Variants in MECOM observed in about 807,000 individuals in gnomAD.
MECOM encodes the protein MDS1 and EVI1 complex locus.
In MECOM, 13 loss-of-function variants were observed where a neutral mutation model predicts 116.3. The observed-to-expected ratio is 0.11, with a 90% CI of 0.07 to 0.18. MECOM has a LOEUF of 0.18. Ranked by LOEUF, MECOM falls within the 10% of genes least tolerant of loss-of-function variation. The pLI is 1.00. For synonymous variants in MECOM, 528 were observed against 535.2 expected (o/e 0.99, Z 0.19); for missense variants, 1,299 against 1,509.0 (o/e 0.86, Z 2.31).
Position 169,273,687 on chromosome 3 carries a change from C to T in MECOM, c.375+107500G>A, listed in dbSNP as rs76089538. Among the ~76,000 whole-genome samples the T allele has an allele frequency of 5.4e-3, 823 of 152,154 alleles. 10 individuals are homozygous for T. Among genetic ancestry groups the T allele is most frequent in the African/African-American group, 0.018 (768 of 41,514 alleles). On this transcript the variant is annotated intron_variant, in intron 2 of 16. Coordinates refer to ENST00000651503, the MANE Select transcript of MECOM (RefSeq NM_004991.4). ...CAGCGAGTAATCTGCATGTTTACTGCGTCAACATTCTACCCACTTCTGGGT... is the reference window on the plus strand; with the variant it reads ...CAGCGAGTAATCTGCATGTTTACTGTGTCAACATTCTACCCACTTCTGGGT...
intron 2 of MECOM, among the ~76,000 whole-genome samples, chr3:169,234,140 T>C (rs1753743433): frequency 6.6e-6 from 1 of 152,110 alleles, no homozygotes; most frequent in African/African-American, 2.4e-5. Flanking sequence ...ACAGATTTTT[T>C]GGAGTGGACA....
chr3:169,611,635 C>T lies in MECOM; in HGVS notation c.37+51701G>A, dbSNP rs949585147. Among the ~76,000 whole-genome samples the T allele has an allele frequency of 6.6e-6, 1 of 152,190 alleles. No homozygotes were observed. Among genetic ancestry groups the T allele is most frequent in the African/African-American group, 2.4e-5 (1 of 41,448 alleles). The stretch of plus-strand genomic sequence containing the variant: ...GACTTAAAGAGCGTTCCTATAACAG[C>T]TAATAATCTCTGGACCTCAAAATCA... On this transcript the variant is annotated intron_variant, in intron 1 of 16. Coordinates refer to ENST00000651503, the MANE Select transcript of MECOM (RefSeq NM_004991.4). This position sits in a 1 kb window ranked among gnomAD's most constrained non-coding sequence, Gnocchi z 4.1.
At chr3:169,477,331 C>T (rs984022808) in intron 1 of MECOM, among the ~76,000 whole-genome samples, 1 of 151,448 alleles carries the variant, frequency 6.6e-6, no homozygotes, top group African/African-American at 2.4e-5. Context: ...TATCTTTGCG[C>T]CCCGTCATTC....
chr3:169,320,892 A>C (rs1720730038), intron 2 of MECOM, among the ~76,000 whole-genome samples: 1 of 152,184 alleles, frequency 6.6e-6, no homozygotes, highest in African/African-American at 2.4e-5. Flanking sequence ...GTGAGCATAT[A>C]TTACTTTCTA....
intron 1 of MECOM, among the ~76,000 whole-genome samples, chr3:169,476,449 C>T (rs745309707): frequency 3.9e-5 from 6 of 152,114 alleles, no homozygotes; most frequent in Non-Finnish European, 7.4e-5. Context: ...TCATCAATAA[C>T]GCTTTGATAG....
At chr3:169,217,413 A>G (rs1369722111) in intron 2 of MECOM, among the ~76,000 whole-genome samples, 1 of 152,232 alleles carries the variant, frequency 6.6e-6, no homozygotes, top group Admixed American at 6.5e-5. Flanking sequence ...AAGATTTTTA[A>G]AAAGCAAAAT....
intron 2 of MECOM, among the ~76,000 whole-genome samples, chr3:169,360,342 A>G (rs1394487586): frequency 2.0e-5 from 3 of 149,734 alleles, no homozygotes; most frequent in Non-Finnish European, 3.0e-5. Context: ...GAAAAAAAAA[A>G]AGAAAAAAGC....
chr3:169,370,214 G>A (rs572954886), intron 2 of MECOM, among the ~76,000 whole-genome samples: 1 of 151,960 alleles, frequency 6.6e-6, no homozygotes, highest in Admixed American at 6.6e-5. Flanking sequence ...GAGAAACAAA[G>A]CCACACATAT....
At chr3:169,417,195 C>T (rs1354871540) in intron 1 of MECOM, among the ~76,000 whole-genome samples, 6 of 150,928 alleles carry the variant, frequency 4.0e-5, no homozygotes, top group Non-Finnish European at 5.9e-5. Flanking sequence ...AGAAAATTTT[C>T]ACAACCTACT....
intron 2 of MECOM, among the ~76,000 whole-genome samples, chr3:169,226,212 T>C (rs926433893): frequency 4.6e-5 from 7 of 152,164 alleles, no homozygotes; most frequent in Admixed American, 2.0e-4. Context: ...ATATTATGGG[T>C]AACCCTGGAT....
intron 2 of MECOM, among the ~76,000 whole-genome samples, chr3:169,314,022 G>A (rs1215873707): frequency 1.3e-5 from 2 of 152,160 alleles, no homozygotes; most frequent in Non-Finnish European, 1.5e-5. Context: ...AATTCAGAAT[G>A]TAAGGTTCCT....
chr3:169,375,365 A>C (rs1267926824), intron 2 of MECOM, among the ~76,000 whole-genome samples: 4 of 147,270 alleles, frequency 2.7e-5, no homozygotes, highest in African/African-American at 1.0e-4. Context: ...AAAATCCTTC[A>C]AAAAAAAATC....
At chr3:169,308,680 T>A (rs1421559485) in intron 2 of MECOM, among the ~76,000 whole-genome samples, 1 of 152,204 alleles carries the variant, frequency 6.6e-6, no homozygotes, top group Non-Finnish European at 1.5e-5. Context: ...TTATTTTTTA[T>A]CCAAATAAAG....
At chr3:169,657,897 C>T (rs765076410) in intron 1 of MECOM, among the ~76,000 whole-genome samples, 2 of 152,056 alleles carry the variant, frequency 1.3e-5, no homozygotes, top group Non-Finnish European at 2.9e-5. Context: ...CCTGGAGGGG[C>T]TGGGGAGGAT....
intron 2 of MECOM, among the ~76,000 whole-genome samples, chr3:169,185,386 C>T (rs186736188): frequency 2.0e-5 from 3 of 152,090 alleles, no homozygotes; most frequent in Admixed American, 1.3e-4. Flanking sequence ...AATTGTCCCA[C>T]GAAAGTTATG....
chr3:169,155,671 T>C (rs1489798210), intron 2 of MECOM, among the ~76,000 whole-genome samples: 1 of 152,190 alleles, frequency 6.6e-6, no homozygotes, highest in Non-Finnish European at 1.5e-5. Context: ...TAATCCAAAA[T>C]GCAATCTCCT....
chr3:169,419,315 C>T (rs1212474341), intron 1 of MECOM, among the ~76,000 whole-genome samples: 1 of 152,154 alleles, frequency 6.6e-6, no homozygotes, highest in African/African-American at 2.4e-5. Context: ...AATGGCCATA[C>T]TGCTCAAAGT....
At chr3:169,255,397 C>T (rs1042435925) in intron 2 of MECOM, among the ~76,000 whole-genome samples, 2 of 151,910 alleles carry the variant, frequency 1.3e-5, no homozygotes, top group Non-Finnish European at 2.9e-5. Context: ...TTGTGTTAGC[C>T]TTCCTAGGCA....
chr3:169,301,111 A>C (rs1716637361), intron 2 of MECOM, among the ~76,000 whole-genome samples: 1 of 152,236 alleles, frequency 6.6e-6, no homozygotes, highest in Non-Finnish European at 1.5e-5. Context: ...AATTAATTAA[A>C]TATCGGCGCG....
Sources: gnomAD v4.1 joint callset for allele counts (sites outside exome capture counted in the v4.1 genomes callset) on GRCh38, gnomAD v4.1.1 for gene constraint, Gnocchi (gnomAD v3.1) non-coding constraint, MANE v1.5 for transcripts, NCBI Gene and HGNC (gene_info 2026-07-23, HGNC 2026-07-21) for gene names.